The following PLEKHG1 variants were observed in gnomAD, a reference collection of about 807,000 sequenced individuals.
PLEKHG1 encodes the protein pleckstrin homology domain-containing family G member 1.
PLEKHG1 carries 44 observed loss-of-function variants against 100.8 expected under a neutral mutation model. The observed-to-expected ratio is 0.44, with a 90% confidence interval of 0.34 to 0.56. The LOEUF is 0.56. Ranked by LOEUF, PLEKHG1 falls within the 20% of genes least tolerant of loss-of-function variation. The probability of loss-of-function intolerance (pLI) is 0.01; values close to 1 mark genes in which losing one functional copy is unlikely to be tolerated. For synonymous variants in PLEKHG1, 640 were observed against 662.5 expected, an observed-to-expected ratio of 0.97 and a Z score of 0.52; for missense variants, 1,545 against 1,720.9, an observed-to-expected ratio of 0.90 and a Z score of 1.81.
rs1316512697 is a variant in PLEKHG1 at position 150,809,802 on chromosome 6, G to T, written c.1278+68G>T. On this transcript the variant is annotated intron_variant, in intron 10 of 15. Coordinates refer to ENST00000358517, the Ensembl canonical transcript of PLEKHG1. ...AAGAATCATTTGAACCTGGGAGGTG[G>T]AGGTTACTGTGAGCCGAGATCACAT... is the stretch of plus-strand genomic sequence containing the variant. 3 of 1,204,728 alleles carry T rather than the reference G, an allele frequency of 2.5e-6. No homozygotes were observed. The East Asian group carries it at 7.1e-5, about 29-fold the overall frequency. 74.6% of individuals were successfully genotyped at this position (1,204,728 alleles called of 1,614,324 possible).
intron 4 of PLEKHG1, 107 bp downstream of exon 5, chr6:150,786,566 C>A: frequency 1.4e-6 from 1 of 707,694 alleles, no homozygotes; most frequent in Non-Finnish European, 2.5e-6. Context: ...TAGAGTTAGC[C>A]ACTAATCTTT....
chr6:150,640,307 A>G (rs1283895657), intron 2 of PLEKHG1, among the ~76,000 whole-genome samples: 3 of 152,360 alleles, frequency 2.0e-5, no homozygotes, highest in South Asian at 2.1e-4. Flanking sequence ...CAACTTTTTC[A>G]GAAGATGATC....
intron 3 of PLEKHG1, among the ~76,000 whole-genome samples, chr6:150,708,879 G>T (rs1781131626): frequency 6.6e-6 from 1 of 152,178 alleles, no homozygotes; most frequent in African/African-American, 2.4e-5. Flanking sequence ...CTGGTTTCCA[G>T]AATGCAATTT....
At chr6:150,614,623 CCT>C (rs1383551723) in intron 1 of PLEKHG1, among the ~76,000 whole-genome samples, 1 of 152,076 alleles carries the variant, frequency 6.6e-6, no homozygotes, top group Non-Finnish European at 1.5e-5. Flanking sequence ...AGAAGTTGGT[CCT>C]CAACAGTGTC....
intron 3 of PLEKHG1, among the ~76,000 whole-genome samples, chr6:150,655,968 G>T (rs934924433): frequency 6.6e-6 from 1 of 152,010 alleles, no homozygotes; most frequent in African/African-American, 2.4e-5. Flanking sequence ...GCCAGGAGAG[G>T]TATAGCATTA....
chr6:150,814,846 A>C (rs1003811942), intron 10 of PLEKHG1, among the ~76,000 whole-genome samples: 5 of 152,132 alleles, frequency 3.3e-5, no homozygotes, highest in African/African-American at 7.2e-5. Flanking sequence ...CAGCCACCCG[A>C]GTAGCTGGGA....
chr6:150,620,184 G>A (rs924666361), intron 1 of PLEKHG1, among the ~76,000 whole-genome samples: 3 of 152,082 alleles, frequency 2.0e-5, no homozygotes, highest in African/African-American at 7.2e-5. Context: ...TCTGAAAGGG[G>A]ATTTTCGTGT....
chr6:150,623,381 A>G (rs1020413027), intron 1 of PLEKHG1, among the ~76,000 whole-genome samples: 1 of 152,322 alleles, frequency 6.6e-6, no homozygotes, highest in South Asian at 2.1e-4. Context: ...GTCCTCCATC[A>G]GCACCCTTTT....
chr6:150,707,786 C>T (rs141624611), intron 3 of PLEKHG1, among the ~76,000 whole-genome samples: 2 of 152,290 alleles, frequency 1.3e-5, no homozygotes, highest in African/African-American at 4.8e-5. Flanking sequence ...TCAGCCTCAG[C>T]TCCGTCAAGC....
chr6:150,799,880 C>T (rs754823512), intron 5 of PLEKHG1, among the ~76,000 whole-genome samples: 9 of 152,242 alleles, frequency 5.9e-5, no homozygotes, highest in African/African-American at 1.2e-4. Flanking sequence ...ATTTTGCGAA[C>T]GAAAGATTTT....
chr6:150,713,106 G>A (rs1290483673), intron 3 of PLEKHG1, among the ~76,000 whole-genome samples: 1 of 152,218 alleles, frequency 6.6e-6, no homozygotes, highest in Non-Finnish European at 1.5e-5. Context: ...ATGAGGGCGA[G>A]TAAGAGGTGA....
At chr6:150,640,593 C>A (rs1246580081) in intron 2 of PLEKHG1, among the ~76,000 whole-genome samples, 3 of 152,182 alleles carry the variant, frequency 2.0e-5, no homozygotes, top group Non-Finnish European at 4.4e-5. Context: ...CCACGCAAAA[C>A]CCTGCTTGGA....
At chr6:150,682,558 C>A (rs1293957461) in intron 3 of PLEKHG1, among the ~76,000 whole-genome samples, 1 of 152,034 alleles carries the variant, frequency 6.6e-6, no homozygotes, top group Non-Finnish European at 1.5e-5. Context: ...GGAGACTAAA[C>A]TCTCACCTTT....
At chr6:150,704,217 C>T (rs1257415242) in intron 3 of PLEKHG1, among the ~76,000 whole-genome samples, 1 of 152,168 alleles carries the variant, frequency 6.6e-6, no homozygotes, top group Non-Finnish European at 1.5e-5. Context: ...AGCATAAACG[C>T]ACTCTTCATT....
intron 1 of PLEKHG1, among the ~76,000 whole-genome samples, chr6:150,618,944 C>T (rs1226343822): frequency 6.6e-6 from 1 of 152,120 alleles, no homozygotes; most frequent in South Asian, 2.1e-4. Flanking sequence ...ATTATTTGGG[C>T]ATGGTGGCAG....
chr6:150,603,746 T>C (rs962835064), intron 1 of PLEKHG1, among the ~76,000 whole-genome samples: 2 of 104,222 alleles, frequency 1.9e-5, no homozygotes, highest in Non-Finnish European at 4.6e-5. Context: ...TTTCCACATC[T>C]AAACATCCTT....
intron 2 of PLEKHG1, among the ~76,000 whole-genome samples, chr6:150,740,380 C>T (rs568479174): frequency 6.6e-6 from 1 of 152,310 alleles, no homozygotes; most frequent in African/African-American, 2.4e-5. Context: ...CCTGGCCCAG[C>T]CTTACCTGCT....
intron 2 of PLEKHG1, among the ~76,000 whole-genome samples, chr6:150,745,974 A>G (rs781774007): frequency 1.2e-4 from 18 of 152,074 alleles, no homozygotes; most frequent in Non-Finnish European, 1.9e-4. Context: ...GAAGAAAAAT[A>G]TAAGATAGAC....
Position 150,831,242 on chromosome 6 carries a change from G to C in PLEKHG1, c.2131G>C (p.Gly711Arg), listed in dbSNP as rs548057201. The C allele has an allele frequency of 6.2e-7, 1 of 1,614,094 alleles. No homozygotes were observed. The change falls in exon 15 of 16, where the codon GGC becomes CGC. Residue 711 changes from glycine to arginine, a missense_variant. Physicochemically the swap from Gly to Arg is moderately radical, Grantham distance 125. Coordinates refer to ENST00000358517, the Ensembl canonical transcript of PLEKHG1. The surrounding 1 kb of genome is among the most constrained non-coding windows in gnomAD (Gnocchi z 4.1). ...AAAGAGGCAAGCTGGCCACAGTAAG[G>C]GCTCTCTTTACGCACAAACAGATGG...
Sources: allele counts gnomAD v4.1 joint callset (sites outside exome capture counted in the v4.1 genomes callset), GRCh38; gene constraint gnomAD v4.1.1; non-coding constraint Gnocchi (gnomAD v3.1); transcripts MANE v1.5; gene names NCBI Gene and HGNC (gene_info 2026-07-23, HGNC 2026-07-21).